Variants in GSTCD observed in about 807,000 individuals in gnomAD.
GSTCD encodes glutathione S-transferase C-terminal domain-containing protein.
In GSTCD, 44 loss-of-function variants were observed where a neutral mutation model predicts 68.3. The observed-to-expected ratio is 0.64, with a 90% CI of 0.51 to 0.83. GSTCD has a LOEUF of 0.83. Ranked by LOEUF, GSTCD falls within the 40% of genes least tolerant of loss-of-function variation. The pLI is 0.00. For missense variants in GSTCD, 739 were observed against 735.9 expected (o/e 1.00, Z -0.05); for synonymous variants, 273 against 255.2 (o/e 1.07, Z -0.67).
At chr4:105,795,916 C>A (rs939307264) in intron 5 of GSTCD, among the ~76,000 whole-genome samples, 4 of 150,888 alleles carry the variant, frequency 2.7e-5, no homozygotes, top group African/African-American at 9.9e-5. Context: ...CATAAAAATT[C>A]ACAACTGCTG....
At chr4:105,789,260 A>G (rs956300826) in intron 5 of GSTCD, among the ~76,000 whole-genome samples, 2 of 152,176 alleles carry the variant, frequency 1.3e-5, no homozygotes, top group African/African-American at 4.8e-5. Context: ...CTATTGCTGC[A>G]TAATAAATTA....
intron 10 of GSTCD, among the ~76,000 whole-genome samples, chr4:105,840,879 A>T (rs1383114031): frequency 6.6e-6 from 1 of 152,196 alleles, no homozygotes; most frequent in Non-Finnish European, 1.5e-5. Context: ...GAAAGAAATC[A>T]AGCTTCTTTC....
intron 5 of GSTCD, among the ~76,000 whole-genome samples, chr4:105,764,596 T>C (rs1349455287): frequency 6.6e-6 from 1 of 152,178 alleles, no homozygotes; most frequent in African/African-American, 2.4e-5. Context: ...TCACACAGCT[T>C]TTCCTCTGTG....
intron 11 of GSTCD, among the ~76,000 whole-genome samples, chr4:105,844,023 A>C (rs1724458018): frequency 6.6e-6 from 1 of 152,196 alleles, no homozygotes; most frequent in Non-Finnish European, 1.5e-5. Flanking sequence ...AAGGTAGACT[A>C]TCAGCAGCTA....
intron 5 of GSTCD, among the ~76,000 whole-genome samples, chr4:105,762,590 T>C (rs1404798616): frequency 2.0e-5 from 3 of 152,170 alleles, no homozygotes; most frequent in Admixed American, 6.6e-5. Flanking sequence ...TGGGATATGC[T>C]TAGTGCAGTG....
intron 5 of GSTCD, among the ~76,000 whole-genome samples, chr4:105,817,931 G>A (rs1440028622): frequency 1.6e-4 from 24 of 151,884 alleles, no homozygotes; most frequent in Admixed American, 1.5e-3. Flanking sequence ...CTTAGTACCT[G>A]CAAAAATTAG....
At chr4:105,823,531 T>C in intron 7 of GSTCD, 1 of 302,898 alleles carries the variant, frequency 3.3e-6, no homozygotes, top group African/African-American at 2.2e-5. Context: ...GAAGTAGCTA[T>C]TTTATTGCTA....
chr4:105,718,165 A>G lies in GSTCD; in HGVS notation c.426+126A>G, dbSNP rs569493574. ...TTTATTTTAAAAAACCCCAGTAACC[A>G]ATGAAATAAAGTAGCCCTTTGATAT... On this transcript the variant is annotated intron_variant, in intron 2 of 11. Transcript: ENST00000515279. 8.2e-6 allele frequency: 6 copies of G among 730,902 alleles called. No individual in the cohort carries two copies. In the South Asian group the frequency reaches 1.3e-4, roughly 15 times the overall value. The allele number at this position is 730,902 out of a possible 1,614,324, so 45.3% of individuals were successfully genotyped here. A position where few individuals can be genotyped will look rare whatever the true frequency, so the allele number is the denominator to read the frequency against.
At chr4:105,718,560 C>T (rs1732758865) in intron 2 of GSTCD, among the ~76,000 whole-genome samples, 1 of 152,164 alleles carries the variant, frequency 6.6e-6, no homozygotes, top group Non-Finnish European at 1.5e-5. Context: ...TACTCAGCCT[C>T]ACCTATTCCT....
intron 3 of GSTCD, among the ~76,000 whole-genome samples, chr4:105,720,357 C>T (rs1732822775): frequency 6.6e-6 from 1 of 152,152 alleles, no homozygotes; most frequent in Non-Finnish European, 1.5e-5. Flanking sequence ...TTCTTGGAAG[C>T]ATTTCCCCCT....
chr4:105,810,639 T>C (rs755752028), intron 5 of GSTCD, among the ~76,000 whole-genome samples: 120 of 152,286 alleles, frequency 7.9e-4, no homozygotes, highest in Admixed American at 1.7e-3. Flanking sequence ...TCAGGATATT[T>C]TTAAAGTTTA....
intron 1 of GSTCD, among the ~76,000 whole-genome samples, 176 bp from the exon 2 acceptor site, chr4:105,717,417 G>A (rs1226176730): frequency 6.6e-6 from 1 of 152,000 alleles, no homozygotes; most frequent in Non-Finnish European, 1.5e-5. Flanking sequence ...TGCACAGGGT[G>A]GAATTTTTTT....
intron 4 of GSTCD, among the ~76,000 whole-genome samples, chr4:105,727,100 T>G (rs2149210715): frequency 6.6e-6 from 1 of 151,774 alleles, no homozygotes; most frequent in Non-Finnish European, 1.5e-5. Context: ...TTTTTTTTTT[T>G]TTTTGTATAT....
At chr4:105,720,161 CTCTCTG>C (rs775326020) in intron 3 of GSTCD, among the ~76,000 whole-genome samples, 9 of 144,556 alleles carry the variant, frequency 6.2e-5, no homozygotes, top group African/African-American at 1.7e-4. Flanking sequence ...CTCTCTCTCT[CTCTCTG>C]TCTGTCTTAC....
intron 5 of GSTCD, among the ~76,000 whole-genome samples, chr4:105,812,350 T>TTTTTTA (rs570400546): frequency 5.9e-5 from 9 of 152,014 alleles, no homozygotes; most frequent in South Asian, 2.1e-4. Context: ...CACACTATAG[T>TTTTTTA]TTTTTATTTT....
chr4:105,732,995 C>T (rs1215759120), intron 5 of GSTCD, among the ~76,000 whole-genome samples: 9 of 152,106 alleles, frequency 5.9e-5, no homozygotes, highest in Admixed American at 6.5e-5. Flanking sequence ...TGTAGTTGAG[C>T]GGTTTTGAAT....
intron 5 of GSTCD, among the ~76,000 whole-genome samples, chr4:105,733,396 G>A (rs1454063512): frequency 6.6e-6 from 1 of 152,182 alleles, no homozygotes; most frequent in Non-Finnish European, 1.5e-5. Flanking sequence ...TATATATTTA[G>A]GATAGTTAGC....
intron 1 of GSTCD, among the ~76,000 whole-genome samples, chr4:105,715,532 A>G (rs1732656590): frequency 6.6e-6 from 1 of 151,974 alleles, no homozygotes; most frequent in African/African-American, 2.4e-5. Flanking sequence ...TATAAAATAA[A>G]GCAGTAGTGA....
At chr4:105,755,677 T>A (rs984485399) in intron 5 of GSTCD, among the ~76,000 whole-genome samples, 1 of 152,178 alleles carries the variant, frequency 6.6e-6, no homozygotes, top group African/African-American at 2.4e-5. Context: ...CATGTACCCA[T>A]GTCACATGGT....
Sources: allele counts gnomAD v4.1 joint callset (sites outside exome capture counted in the v4.1 genomes callset), GRCh38; gene constraint gnomAD v4.1.1; transcripts MANE v1.5; gene names NCBI Gene and HGNC (gene_info 2026-07-23, HGNC 2026-07-21).